The following PZP variants were observed in gnomAD, a reference collection of about 807,000 sequenced individuals.
PZP encodes the protein PZP alpha-2-macroglobulin like, also known as pregnancy zone protein.
A neutral mutation model predicts 179.8 loss-of-function variants in PZP; 150 were observed. The observed-to-expected ratio is 0.83, with a 90% CI of 0.73 to 0.96. The LOEUF is 0.96. Among genes scored for constraint, PZP ranks in the 40% least tolerant of loss-of-function variants. The pLI is 0.00. For synonymous variants in PZP, 624 were observed against 652.3 expected, an observed-to-expected ratio of 0.96 and a Z score of 0.66; for missense variants, 1,689 against 1,764.0, an observed-to-expected ratio of 0.96 and a Z score of 0.76.
intron 25 of PZP, among the ~76,000 whole-genome samples, chr12:9,159,264 C>T (rs914835078): frequency 6.6e-6 from 1 of 152,144 alleles, no homozygotes; most frequent in Admixed American, 6.5e-5. Flanking sequence ...TTAAAAAAAT[C>T]AACCTAAAAG....
rs187579386 is a variant in PZP at position 9,165,900 on chromosome 12, T to C, written c.2258+152A>G. The stretch of plus-strand genomic sequence containing the variant: ...TGAGACAATTGTATTAATGAGCCTA[T>C]GCAATTGCGCATTTTACTTAGGTCT... On this transcript the variant is annotated intron_variant, in intron 18 of 35. Coordinates refer to ENST00000261336, the MANE Select transcript of PZP (RefSeq NM_002864.3). The C allele has an allele frequency of 1.4e-4, 117 of 855,946 alleles. No individual in the cohort carries two copies. In the African/African-American group the frequency reaches 1.8e-3, roughly 13 times the overall value. The allele number at this position is 855,946 out of a possible 1,614,324, so 53.0% of individuals were successfully genotyped here.
intron 20 of PZP, 130 bp downstream of exon 20, chr12:9,164,003 G>C: frequency 1.5e-6 from 2 of 1,329,004 alleles, no homozygotes; most frequent in Non-Finnish European, 2.0e-6. Context: ...ATAGTGGATA[G>C]AAATAGGAAA....
Position 9,153,121 on chromosome 12 carries a change from C to G in PZP, c.3993+4G>C, listed in dbSNP as rs1473187354. 2 of 1,613,718 alleles carry G rather than the reference C, an allele frequency of 1.2e-6. No homozygotes were observed. Among genetic ancestry groups the G allele is most frequent in the Non-Finnish European group, 8.5e-7 (1 of 1,179,736 alleles). On this transcript the variant is annotated splice_donor_region_variant and intron_variant, in intron 30 of 35. Coordinates refer to ENST00000261336, the MANE Select transcript of PZP (RefSeq NM_002864.3). ...CTCTCACCCATATAAGCTTGGAGCC[C>G]TACCTGAAGATACACACATCTTTCC...
At chr12:9,149,717 A>G (rs2303615) in intron 34 of PZP, 115 bp from the exon 35 acceptor site, 245,562 of 870,684 alleles carry the variant, frequency 0.28, 37,458 homozygotes, top group Admixed American at 0.34. Flanking sequence ...AGAATTGTCA[A>G]AACTTCATGT....
chr12:9,182,549 T>TA (rs950962132), intron 13 of PZP, among the ~76,000 whole-genome samples: 124 of 152,138 alleles, frequency 8.2e-4, no homozygotes, highest in African/African-American at 2.7e-3. Context: ...GCTCTGTATG[T>TA]AAAAAAAAGT....
intron 29 of PZP, among the ~76,000 whole-genome samples, chr12:9,153,827 C>A (rs1940543315): frequency 6.6e-6 from 1 of 152,112 alleles, no homozygotes. Context: ...GAGATCCTAA[C>A]TGTTGAAAGA....
intron 15 of PZP, among the ~76,000 whole-genome samples, chr12:9,175,616 G>A (rs950793692): frequency 2.0e-5 from 3 of 151,824 alleles, no homozygotes; most frequent in Admixed American, 6.6e-5. Context: ...AAATTTACAA[G>A]AAATAAAAAC....
chr12:9,193,245 A>G (rs764939667), intron 11 of PZP, among the ~76,000 whole-genome samples: 76 of 152,320 alleles, frequency 5.0e-4, no homozygotes, highest in Admixed American at 2.1e-3. Flanking sequence ...AGCCTTGCAG[A>G]TAATGTTTTG....
At chr12:9,177,855 AC>A (rs1444312841) in intron 15 of PZP, among the ~76,000 whole-genome samples, 1 of 152,236 alleles carries the variant, frequency 6.6e-6, no homozygotes, top group Non-Finnish European at 1.5e-5. Flanking sequence ...TGAAAGGTAG[AC>A]TAAATTCCTG....
At chr12:9,200,222 T>C in intron 7 of PZP, 142 bp downstream of exon 7, 1 of 522,176 alleles carries the variant, frequency 1.9e-6, no homozygotes, top group Non-Finnish European at 3.4e-6. Flanking sequence ...AAAATTTTAA[T>C]AGTAAGTCGT....
chr12:9,157,484 C>T, intron 27 of PZP, 129 bp from the exon 28 acceptor site: 1 of 882,864 alleles, frequency 1.1e-6, no homozygotes, highest in Non-Finnish European at 1.7e-6. Flanking sequence ...AGATATTCAT[C>T]ATATTTAAAT....
intron 31 of PZP, 117 bp from the exon 32 acceptor site, chr12:9,152,427 C>T (rs1940426870): frequency 4.0e-6 from 3 of 756,356 alleles, no homozygotes; most frequent in Admixed American, 4.3e-5. Context: ...TAATATTCTA[C>T]AAAGGTCTGT....
At chr12:9,144,430 C>G (rs1298302930), downstream of PZP, among the ~76,000 whole-genome samples, 2 of 152,048 alleles carry the variant, frequency 1.3e-5, no homozygotes, top group South Asian at 2.1e-4. Flanking sequence ...CTCTCAGGAT[C>G]CAGTGGGATG....
rs185356713 is a variant in PZP at position 9,186,113 on chromosome 12, T to G, written c.1547-3996A>C. ...GAGCCACTGCACCTGGCCAACATTC[T>G]TAAAGAAAATAAATTCCAACCAAGA... On this transcript the variant is annotated intron_variant, in intron 13 of 35. Transcript: ENST00000261336. 3.7e-4 allele frequency among the ~76,000 whole-genome samples: 56 copies of G among 152,206 alleles called. 1 individual carries two copies. In the East Asian group the frequency reaches 0.01, roughly 27 times the overall value.
chr12:9,175,786 C>T (rs924273832), intron 15 of PZP, among the ~76,000 whole-genome samples: 8 of 152,034 alleles, frequency 5.3e-5, no homozygotes, highest in African/African-American at 1.2e-4. Flanking sequence ...AGAATGGCTG[C>T]TGTTAAAAAG....
At chr12:9,192,135 G>A (rs779102433) in intron 13 of PZP, 58 bp downstream of exon 13, 34 of 1,418,402 alleles carry the variant, frequency 2.4e-5, no homozygotes, top group Middle Eastern at 1.8e-4. Flanking sequence ...AACTGTCACC[G>A]AGGGAAGGGT....
intron 13 of PZP, among the ~76,000 whole-genome samples, chr12:9,185,825 T>TTTTC: frequency 1.1e-4 from 16 of 151,358 alleles, no homozygotes; most frequent in Non-Finnish European, 1.9e-4. Flanking sequence ...TTTTTTTTTT[T>TTTTC]CTTGACAGAG....
intron 25 of PZP, 129 bp from the exon 26 acceptor site, chr12:9,158,705 G>T: frequency 1.2e-6 from 1 of 868,738 alleles, no homozygotes; most frequent in Non-Finnish European, 1.6e-6. Flanking sequence ...TGAGAGTTTG[G>T]AGACTTTTTC....
At position 9,196,402 on chromosome 12, in the gene PZP, T is replaced by C; in HGVS notation, c.1020A>G (p.Thr340=). The C allele has an allele frequency of 6.2e-7, 1 of 1,613,856 alleles. No individual in the cohort carries two copies. Among genetic ancestry groups the C allele is most frequent in the Non-Finnish European group, 8.5e-7 (1 of 1,179,764 alleles). Residue 340 remains threonine (T), a synonymous_variant, in exon 10 of 36, where the codon ACA becomes ACG. Transcript: ENST00000261336. ...EVTANRISEI[T]NIVSKLKFVK... ...CGAATTTGAGTTTGGATACAATGTT[T>C]GTGATTTCACTGATCCTGTTTGCAG...
Sources: allele counts gnomAD v4.1 joint callset (sites outside exome capture counted in the v4.1 genomes callset), GRCh38; gene constraint gnomAD v4.1.1; transcripts MANE v1.5; gene names NCBI Gene and HGNC (gene_info 2026-07-23, HGNC 2026-07-21).